Variants in ELAVL4 observed in about 807,000 individuals in gnomAD.
ELAVL4 encodes ELAV-like protein 4.
Under a neutral mutation model 35.6 loss-of-function variants are expected in ELAVL4, and 1 was observed. The ratio of observed to expected loss-of-function variants is 0.03; its 90% CI spans 0.01 to 0.13. The LOEUF (loss-of-function observed/expected upper bound fraction) is 0.13, where lower values mean the gene tolerates loss of function less well. Among genes scored for constraint, ELAVL4 ranks in the 10% least tolerant of loss-of-function variants. The pLI, the probability that ELAVL4 is intolerant of heterozygous loss-of-function variation, is 1.00. For synonymous variants in ELAVL4, 156 were observed against 171.0 expected (o/e 0.91, Z 0.69); for missense variants, 267 against 464.9 (o/e 0.57, Z 3.91).
chr1:50,081,785 C>T (rs1665018337), intron 1 of ELAVL4, among the ~76,000 whole-genome samples: 1 of 152,136 alleles, frequency 6.6e-6, no homozygotes, highest in Non-Finnish European at 1.5e-5. Flanking sequence ...CCCATCAACC[C>T]GTCATCTACA....
intron 1 of ELAVL4, among the ~76,000 whole-genome samples, chr1:50,053,665 G>C (rs913278319): frequency 6.6e-6 from 1 of 152,148 alleles, no homozygotes; most frequent in African/African-American, 2.4e-5. Context: ...TGTTTATTGA[G>C]TGTCTGGTAT....
At chr1:50,094,029 G>A (rs1470147352) in intron 1 of ELAVL4, among the ~76,000 whole-genome samples, 1 of 152,166 alleles carries the variant, frequency 6.6e-6, no homozygotes, top group African/African-American at 2.4e-5. Context: ...AGTAGTATCT[G>A]ACACAGTAAA....
At chr1:50,174,924 G>A (rs570897131) in intron 2 of ELAVL4, among the ~76,000 whole-genome samples, 53 of 152,206 alleles carry the variant, frequency 3.5e-4, no homozygotes, top group Admixed American at 1.0e-3. Context: ...TCCAATGTGA[G>A]TTAGGTCTAA....
chr1:50,048,269 G>C, intron 1 of ELAVL4: 1 of 1,391,246 alleles, frequency 7.2e-7, no homozygotes, highest in Non-Finnish European at 9.4e-7. Context: ...GTCGCGACTG[G>C]CTTCTCCCAG....
intron 1 of ELAVL4, among the ~76,000 whole-genome samples, chr1:50,069,495 A>G (rs908950464): frequency 3.3e-5 from 5 of 152,294 alleles, no homozygotes; most frequent in Non-Finnish European, 7.4e-5. Context: ...AGAATCATTC[A>G]TGGCTGAAAG....
intron 5 of ELAVL4, 93 bp downstream of exon 5, chr1:50,195,879 G>A: frequency 7.0e-7 from 1 of 1,424,018 alleles, no homozygotes; most frequent in South Asian, 1.3e-5. Flanking sequence ...ATGGGGCAAG[G>A]GTAAAAGCTT....
At chr1:50,093,627 G>T (rs1353786841) in intron 1 of ELAVL4, among the ~76,000 whole-genome samples, 2 of 152,166 alleles carry the variant, frequency 1.3e-5, no homozygotes, top group African/African-American at 4.8e-5. Flanking sequence ...GGGTTTGCCC[G>T]AGAGAAGCAT....
chr1:50,157,444 T>C (rs1675959595), intron 2 of ELAVL4, among the ~76,000 whole-genome samples: 1 of 152,236 alleles, frequency 6.6e-6, no homozygotes, highest in Non-Finnish European at 1.5e-5. Flanking sequence ...ATAAGCTATC[T>C]TTCCTTCCTA....
intron 2 of ELAVL4, among the ~76,000 whole-genome samples, chr1:50,154,901 A>AT (rs958632246): frequency 1.4e-4 from 21 of 152,170 alleles, no homozygotes; most frequent in African/African-American, 4.3e-4. Context: ...ATAGCCATCA[A>AT]TTTTTTTAAA....
intron 1 of ELAVL4, among the ~76,000 whole-genome samples, chr1:50,075,715 C>A (rs1572134633): frequency 6.6e-6 from 1 of 152,260 alleles, no homozygotes; most frequent in East Asian, 1.9e-4. Context: ...CATTCAGGAG[C>A]CCCTCGACTT....
intron 1 of ELAVL4, among the ~76,000 whole-genome samples, chr1:50,060,493 C>T (rs1663902943): frequency 6.6e-6 from 1 of 152,160 alleles, no homozygotes; most frequent in Non-Finnish European, 1.5e-5. Flanking sequence ...GAACTGGTGG[C>T]AGAGTCACAA....
intron 1 of ELAVL4, among the ~76,000 whole-genome samples, chr1:50,071,505 A>T (rs1422306327): frequency 6.6e-6 from 1 of 152,218 alleles, no homozygotes; most frequent in East Asian, 1.9e-4. Context: ...ATTGAAGTTC[A>T]TCGTGAATGC....
intron 1 of ELAVL4, among the ~76,000 whole-genome samples, chr1:50,053,220 A>G (rs1383807272): frequency 1.3e-5 from 2 of 152,222 alleles, no homozygotes; most frequent in African/African-American, 4.8e-5. Flanking sequence ...GGGTGAGTCT[A>G]TTATATTTAA....
At chr1:50,177,274 G>A (rs539437676) in intron 3 of ELAVL4, 82 bp downstream of exon 3, 2 of 1,054,810 alleles carry the variant, frequency 1.9e-6, no homozygotes, top group Non-Finnish European at 2.9e-6. Context: ...CAGGCTATGT[G>A]GGGGCTGGAA....
intron 1 of ELAVL4, among the ~76,000 whole-genome samples, chr1:50,077,518 A>G (rs1430456988): frequency 1.3e-5 from 2 of 152,308 alleles, no homozygotes; most frequent in East Asian, 3.9e-4. Context: ...TTTTCCGTCT[A>G]GGGAGGGCAA....
intron 3 of ELAVL4, among the ~76,000 whole-genome samples, chr1:50,178,909 G>T (rs1484190790): frequency 2.6e-5 from 4 of 151,568 alleles, no homozygotes; most frequent in African/African-American, 9.7e-5. Context: ...CAGTTTTCTT[G>T]AAACCCCAAC....
chr1:50,184,434 G>T (rs1453827876), intron 3 of ELAVL4, among the ~76,000 whole-genome samples: 3 of 151,242 alleles, frequency 2.0e-5, no homozygotes, highest in Non-Finnish European at 4.4e-5. Context: ...CTTTAGTTGT[G>T]TTGGGAGAAT....
At chr1:50,105,768 G>C (rs1180618133), upstream of ELAVL4, 3 of 153,480 alleles carry the variant, frequency 2.0e-5, no homozygotes, top group Non-Finnish European at 4.3e-5. Flanking sequence ...CTGACTAGAG[G>C]TTTTAATGTA....
intron 2 of ELAVL4, among the ~76,000 whole-genome samples, chr1:50,165,142 C>A (rs1305583927): frequency 6.6e-6 from 1 of 151,988 alleles, no homozygotes; most frequent in Non-Finnish European, 1.5e-5. Flanking sequence ...CTAAGGGTGC[C>A]CCTTTCCTCT....
Sources: allele counts gnomAD v4.1 joint callset (sites outside exome capture counted in the v4.1 genomes callset), GRCh38; gene constraint gnomAD v4.1.1; transcripts MANE v1.5; gene names NCBI Gene and HGNC (gene_info 2026-07-23, HGNC 2026-07-21).